The following ZNF616 variants were observed in gnomAD, a reference collection of about 807,000 sequenced individuals.
ZNF616 encodes the protein zinc finger protein 616.
Under a neutral mutation model 7.6 loss-of-function variants are expected in ZNF616, and 5 were observed. That is an observed-to-expected ratio of 0.66 (90% CI 0.34 to 1.38). The LOEUF is 1.38. Among genes scored for constraint, ZNF616 ranks in the 40% most tolerant of loss-of-function variants. ZNF616 has a pLI of 0.04. For synonymous variants in ZNF616, 319 were observed against 317.2 expected (o/e 1.01, Z -0.06); for missense variants, 913 against 948.3 (o/e 0.96, Z 0.49).
Position 52,116,613 on chromosome 19 carries a change from G to C in ZNF616, c.551C>G (p.Thr184Arg). 2 of 1,614,012 alleles carry C rather than the reference G, an allele frequency of 1.2e-6. No individual in the cohort carries two copies. Among genetic ancestry groups the C allele is most frequent in the Non-Finnish European group, 8.5e-7 (1 of 1,179,982 alleles). The change falls in exon 4 of 4, where the codon ACG becomes AGG. Residue 184 changes from threonine (T) to arginine (R), a missense_variant. Transcript: ENST00000600228. Reference sequence around the variant, plus strand: ...TTTGCCACATTCATTACATACATACGTTTTTTCCCTAATGTGTGGAGAAAC... The same window carrying C: ...TTTGCCACATTCATTACATACATACCTTTTTTCCCTAATGTGTGGAGAAAC... ...CLVSPHIREK[T>R]YVCNECGKAF...
intron 3 of ZNF616, 137 bp downstream of exon 3, chr19:52,123,786 A>G: frequency 1.0e-6 from 1 of 1,001,198 alleles, no homozygotes; most frequent in Non-Finnish European, 1.5e-6. Flanking sequence ...GGCCAGATGC[A>G]GCATTGTGAA....
At chr19:52,124,070 C>A in intron 2 of ZNF616, 21 bp from the exon 3 acceptor site, 1 of 1,584,096 alleles carries the variant, frequency 6.3e-7, no homozygotes, top group Admixed American at 1.9e-5. Flanking sequence ...AAACACATTT[C>A]AAAAAGAAGC....
chr19:52,122,866 C>A (rs974362649), intron 3 of ZNF616, among the ~76,000 whole-genome samples: 1 of 152,020 alleles, frequency 6.6e-6, no homozygotes, highest in African/African-American at 2.4e-5. Context: ...GATCTCCTGA[C>A]CTCGTGATCC....
In ZNF616 at chr19:52,116,021, G is replaced by A. The variant is rs1202408872; in HGVS notation, c.1143C>T (p.Tyr381=). ...HRRIHSGEKQ[Y]KCNECGKVFS... ...AGACCTTGCCACATTCATTGCATTT[G>A]TATTGTTTCTCTCCACTGTGGATTC... The change falls in exon 4 of 4, where the codon TAC becomes TAT. Residue 381 remains tyrosine (Y), a synonymous_variant. Transcript: ENST00000600228. 6.2e-7 allele frequency: 1 copy of A among 1,614,002 alleles called. No homozygotes were observed. Among genetic ancestry groups the A allele is most frequent in the Non-Finnish European group, 8.5e-7 (1 of 1,180,020 alleles).
chr19:52,134,289 T>A (rs1185708244), intron 1 of ZNF616, among the ~76,000 whole-genome samples: 1 of 152,212 alleles, frequency 6.6e-6, no homozygotes, highest in African/African-American at 2.4e-5. Flanking sequence ...GGGAAGCACA[T>A]CTCACATGAG....
intron 1 of ZNF616, chr19:52,138,354 A>G (rs2089031266): frequency 6.6e-6 from 1 of 152,220 alleles, no homozygotes; most frequent in African/African-American, 2.4e-5. Flanking sequence ...TGTAGAAAAG[A>G]GTGGTAATTT....
In ZNF616 at chr19:52,116,765, GTTTTCTACATCCCC is replaced by G. The variant is rs1026632162; in HGVS notation, c.385_398del (p.Gly129GlnfsTer4). ...ATGTAAGCTGGTTTTCAATATGATT[GTTTTCTACATCCCC>G]TTGACTATGTTGATCTCTTTTACCA... On this transcript the variant is annotated frameshift_variant, in exon 4 of 4. Transcript: ENST00000600228. LOFTEE classifies it low-confidence loss of function (END_TRUNC). 6.2e-7 allele frequency: 1 copy of G among 1,613,992 alleles called. No individual in the cohort carries two copies. Among genetic ancestry groups the G allele is most frequent in the African/African-American group, 1.3e-5 (1 of 74,920 alleles).
At chr19:52,131,194 G>C (rs1031631755) in intron 1 of ZNF616, among the ~76,000 whole-genome samples, 3 of 151,062 alleles carry the variant, frequency 2.0e-5, no homozygotes, top group South Asian at 4.2e-4. Flanking sequence ...CTTGAACCTG[G>C]GAGGCGGAGG....
chr19:52,133,494 T>C (rs1316995027), intron 1 of ZNF616, among the ~76,000 whole-genome samples: 1 of 152,146 alleles, frequency 6.6e-6, no homozygotes, highest in Non-Finnish European at 1.5e-5. Flanking sequence ...TGGGGGTTTG[T>C]TGTATACATT....
intron 2 of ZNF616, among the ~76,000 whole-genome samples, chr19:52,128,534 G>C (rs891370463): frequency 2.0e-5 from 3 of 152,106 alleles, no homozygotes; most frequent in Non-Finnish European, 4.4e-5. Context: ...CCTGAGGCCG[G>C]AAGTTTGAGA....
chr19:52,116,474 T>C lies in ZNF616; in HGVS notation c.690A>G (p.Val230=), dbSNP rs201286728. ...TCCCTCTTGTATGGACTACCTTGTG[T>C]ACAGTTAGTAGTGAGGCCCGATGAA... is the stretch of plus-strand genomic sequence containing the variant. ...KAFHRASLLT[V]HKVVHTRGKS... The change falls in exon 4 of 4, where the codon GTA becomes GTG. Residue 230 remains valine (V), a synonymous_variant. Coordinates refer to ENST00000600228, the MANE Select transcript of ZNF616 (RefSeq NM_178523.5). 5.0e-6 allele frequency: 8 copies of C among 1,614,010 alleles called. No individual in the cohort carries two copies. In the South Asian group the frequency reaches 7.7e-5, roughly 16 times the overall value.
Position 52,116,180 on chromosome 19 carries a change from A to G in ZNF616, c.984T>C (p.Asn328=). The stretch of plus-strand genomic sequence containing the variant: ...TCCGTTTAAAGGTTTTGCCACACTC[A>G]TTACATTTGAAGGGTCTCTCTCCAG... ...VHTGERPFKC[N]ECGKTFKRSS... Residue 328 remains asparagine, a synonymous_variant, in exon 4 of 4, where the codon AAT becomes AAC. Transcript: ENST00000600228. 1 of 1,614,170 alleles carries G rather than the reference A, an allele frequency of 6.2e-7. No homozygotes were observed. The highest frequency in any genetic ancestry group is 1.7e-4 in the Middle Eastern group (1 of 6,060).
Position 52,116,246 on chromosome 19 carries a change from A to G in ZNF616, c.918T>C (p.Phe306=). ...PYKCNLCGKS[F]SQRVHLRLHQ... ...GAAGTCTAAGATGGACACGCTGACTAAAGGATTTCCCACACAGATTACATT... is the reference window on the plus strand; with the variant it reads ...GAAGTCTAAGATGGACACGCTGACTGAAGGATTTCCCACACAGATTACATT... Residue 306 remains phenylalanine, a synonymous_variant, in exon 4 of 4, where the codon TTT becomes TTC. Coordinates refer to ENST00000600228, the MANE Select transcript of ZNF616 (RefSeq NM_178523.5). 6.2e-7 allele frequency: 1 copy of G among 1,614,140 alleles called. No individual in the cohort carries two copies. The highest frequency in any genetic ancestry group is 8.5e-7 in the Non-Finnish European group (1 of 1,180,024).
rs780060537 is a variant in ZNF616 at position 52,114,728 on chromosome 19, A to C, written c.*90T>G. On this transcript the variant is annotated 3_prime_UTR_variant, in exon 4 of 4. Coordinates refer to ENST00000600228, the MANE Select transcript of ZNF616 (RefSeq NM_178523.5). ...CCCACCTCCAATACTGGAGATTACAATTCCACAGGGATTTCAAGAGAAGGG... is the reference window on the plus strand; with the variant it reads ...CCCACCTCCAATACTGGAGATTACACTTCCACAGGGATTTCAAGAGAAGGG... 1 of 1,448,298 alleles carries C rather than the reference A, an allele frequency of 6.9e-7. No homozygotes were observed. The highest frequency in any genetic ancestry group is 9.2e-7 in the Non-Finnish European group (1 of 1,081,576). 89.7% of individuals were successfully genotyped at this position (1,448,298 alleles called of 1,614,324 possible).
At position 52,115,819 on chromosome 19, in the gene ZNF616, G is replaced by A; in HGVS notation, c.1345C>T (p.His449Tyr). ...CTCCAATGCACTGCAAGATGTGAATGCTTACTGTACACCTTGCCACATTTA... is the reference window on the plus strand; with the variant it reads ...CTCCAATGCACTGCAAGATGTGAATACTTACTGTACACCTTGCCACATTTA... ...CNKCGKVYSK[H>Y]SHLAVHWRIH... The change falls in exon 4 of 4, where the codon CAT becomes TAT. Residue 449 changes from histidine to tyrosine, a missense_variant. Coordinates refer to ENST00000600228, the MANE Select transcript of ZNF616 (RefSeq NM_178523.5). 2 of 1,608,480 alleles carry A rather than the reference G, an allele frequency of 1.2e-6. No individual in the cohort carries two copies. Among genetic ancestry groups the A allele is most frequent in the Non-Finnish European group, 1.7e-6 (2 of 1,177,610 alleles).
chr19:52,127,937 T>G (rs1244747200), intron 2 of ZNF616, among the ~76,000 whole-genome samples: 3 of 152,218 alleles, frequency 2.0e-5, no homozygotes, highest in Non-Finnish European at 4.4e-5. Context: ...AAATGCATCT[T>G]GACACCTCTC....
chr19:52,117,144 C>T, intron 3 of ZNF616, 120 bp from the exon 4 acceptor site: 1 of 767,970 alleles, frequency 1.3e-6, no homozygotes. Context: ...TGTGAGAGTT[C>T]TCCACCATGA....
intron 1 of ZNF616, among the ~76,000 whole-genome samples, chr19:52,134,107 A>G (rs2088987594): frequency 6.6e-6 from 1 of 152,208 alleles, no homozygotes; most frequent in South Asian, 2.1e-4. Context: ...CCGCACTACC[A>G]GACCAAGCCA....
Position 52,130,606 on chromosome 19 carries a change from T to C in ZNF616, c.-76-18A>G, listed in dbSNP as rs542278023. 3.3e-6 allele frequency: 5 copies of C among 1,527,156 alleles called. No homozygotes were observed. Among genetic ancestry groups the C allele is most frequent in the African/African-American group, 2.8e-5 (2 of 72,386 alleles). 94.6% of individuals were successfully genotyped at this position (1,527,156 alleles called of 1,614,324 possible). On this transcript the variant is annotated intron_variant, in intron 1 of 3. Transcript: ENST00000600228. ...CATCAAACCTGAAAGTTAAAAAATC[T>C]GTTGTTTAATGCTTGGAAACAACAC...
Sources: allele counts gnomAD v4.1 joint callset (sites outside exome capture counted in the v4.1 genomes callset), GRCh38; gene constraint gnomAD v4.1.1; transcripts MANE v1.5; gene names NCBI Gene and HGNC (gene_info 2026-07-23, HGNC 2026-07-21).